The following PLA2G6 variants were observed in gnomAD, a reference collection of about 807,000 sequenced individuals.
PLA2G6 encodes the protein phospholipase A2 group VI.
PLA2G6 carries 62 observed loss-of-function variants against 83.8 expected under a neutral mutation model. The observed-to-expected ratio is 0.74, with a 90% confidence interval of 0.60 to 0.91. The LOEUF is 0.91. Among genes scored for constraint, PLA2G6 ranks in the 40% least tolerant of loss-of-function variants. The probability of loss-of-function intolerance (pLI) is 0.00; values close to 1 mark genes in which losing one functional copy is unlikely to be tolerated. For synonymous variants in PLA2G6, 417 were observed against 449.8 expected, an observed-to-expected ratio of 0.93 and a Z score of 0.92; for missense variants, 944 against 1,102.0, an observed-to-expected ratio of 0.86 and a Z score of 2.03.
intron 4 of PLA2G6, 94 bp downstream of exon 4, chr22:38,143,011 G>C: frequency 8.7e-7 from 1 of 1,150,076 alleles, no homozygotes; most frequent in South Asian, 1.2e-5. Flanking sequence ...GACAGTGAGA[G>C]GCCTGAGAGT....
chr22:38,148,225 C>G (rs1176633611), intron 2 of PLA2G6: 1 of 389,758 alleles, frequency 2.6e-6, no homozygotes, highest in Non-Finnish European at 4.8e-6. Context: ...ATGTGAGAAT[C>G]TGAAGATTGC....
At chr22:38,160,363 T>C (rs908062247) in intron 2 of PLA2G6, among the ~76,000 whole-genome samples, 2 of 152,166 alleles carry the variant, frequency 1.3e-5, no homozygotes, top group African/African-American at 4.8e-5. Context: ...CACTTCTAGG[T>C]ATGTCTACCA....
At chr22:38,143,417 T>G in intron 3 of PLA2G6, 129 bp from the exon 4 acceptor site, 1 of 780,500 alleles carries the variant, frequency 1.3e-6, no homozygotes, top group Non-Finnish European at 2.2e-6. Context: ...CTCAAGAGCA[T>G]TCCCGCCACT....
In PLA2G6 at chr22:38,128,508, C is replaced by G; in HGVS notation, c.1187-78G>C. Reference sequence around the variant, plus strand: ...CATGCAAAGGAGAGGCCCCTCCTTTCCACACTCCGTCCCCTGTCCCAGCTC... The same window carrying G: ...CATGCAAAGGAGAGGCCCCTCCTTTGCACACTCCGTCCCCTGTCCCAGCTC... On this transcript the variant is annotated intron_variant, in intron 8 of 16. Transcript: ENST00000332509. This position sits in a 1 kb window ranked among gnomAD's most constrained non-coding sequence, Gnocchi z 4.4. 2.7e-6 allele frequency: 4 copies of G among 1,462,702 alleles called. No homozygotes were observed. Among genetic ancestry groups the G allele is most frequent in the Non-Finnish European group, 3.8e-6 (4 of 1,056,522 alleles). 90.6% of individuals were successfully genotyped at this position (1,462,702 alleles called of 1,614,324 possible). A position where few individuals can be genotyped will look rare whatever the true frequency, so the allele number is the denominator to read the frequency against.
At chr22:38,124,844 G>C (rs945005596) in intron 10 of PLA2G6, among the ~76,000 whole-genome samples, 1 of 152,120 alleles carries the variant, frequency 6.6e-6, no homozygotes, top group Non-Finnish European at 1.5e-5. Context: ...AGAGGTGGCA[G>C]GGGAGAGACT....
intron 10 of PLA2G6, among the ~76,000 whole-genome samples, chr22:38,124,623 A>G (rs780852238): frequency 6.6e-6 from 1 of 151,848 alleles, no homozygotes; most frequent in South Asian, 2.1e-4. Context: ...TTCCTGGTGG[A>G]GGCTGCTTCC....
At chr22:38,148,612 G>T (rs1226217822) in intron 2 of PLA2G6, 4 of 711,658 alleles carry the variant, frequency 5.6e-6, no homozygotes, top group Non-Finnish European at 1.0e-5. Flanking sequence ...ACAGGGACTG[G>T]AGCCCAGGCG....
intron 3 of PLA2G6, chr22:38,145,004 A>C (rs753704652): frequency 2.7e-4 from 96 of 349,594 alleles, no homozygotes; most frequent in Non-Finnish European, 3.0e-4. Context: ...TGTCCTTCTT[A>C]CATTTTAATC....
intron 14 of PLA2G6, chr22:38,113,978 G>A (rs1240241039): frequency 2.3e-6 from 1 of 440,892 alleles, no homozygotes; most frequent in East Asian, 5.1e-5. Flanking sequence ...GGGAGGAAAG[G>A]CAGACGGTGT....
In PLA2G6 at chr22:38,123,343, C is replaced by G; in HGVS notation, c.1428-85G>C. ...CCACCCTCATAGCCCTTGTCCCCTG[C>G]AGCTGTGTCCTGGCAGACAGACCCA... On this transcript the variant is annotated intron_variant, in intron 10 of 16. Coordinates refer to ENST00000332509, the MANE Select transcript of PLA2G6 (RefSeq NM_003560.4). The surrounding 1 kb of genome is among the most constrained non-coding windows in gnomAD (Gnocchi z 4.1). The G allele has an allele frequency of 7.1e-7, 1 of 1,405,170 alleles. No individual in the cohort carries two copies. The highest frequency in any genetic ancestry group is 1.2e-5 in the South Asian group (1 of 80,824). 87.0% of individuals were successfully genotyped at this position (1,405,170 alleles called of 1,614,324 possible).
rs756705763 is a variant in PLA2G6, at chr22:38,129,447, C to A, written c.1186+7G>T. The A allele has an allele frequency of 1.3e-6, 2 of 1,579,244 alleles. No individual in the cohort carries two copies. Among genetic ancestry groups the A allele is most frequent in the East Asian group, 2.2e-5 (1 of 44,718 alleles). On this transcript the variant is annotated splice_region_variant and intron_variant, in intron 8 of 16. Transcript: ENST00000332509. ...CCCACTCCAGCCCCAGAGTGCAGAGCACATACGTCTGCCGATTTTGGAGGC... is the reference window on the plus strand; with the variant it reads ...CCCACTCCAGCCCCAGAGTGCAGAGAACATACGTCTGCCGATTTTGGAGGC...
In PLA2G6 at chr22:38,145,539, C is replaced by T. The variant is rs763316859; in HGVS notation, c.324G>A (p.Gln108=). 2.4e-5 allele frequency: 38 copies of T among 1,613,784 alleles called. No homozygotes were observed. Among genetic ancestry groups the T allele is most frequent in the Non-Finnish European group, 3.1e-5 (37 of 1,179,912 alleles). ...SPQVLHTEVL[Q]HLTDLIRNHP... ...GGTTACGGATGAGGTCGGTCAGGTG[C>T]TGCAGGACCTCAGTGTGCAGGACCT... Residue 108 remains glutamine (Q), a synonymous_variant, in exon 3 of 17, where the codon CAG becomes CAA. Coordinates refer to ENST00000332509, the MANE Select transcript of PLA2G6 (RefSeq NM_003560.4).
intron 2 of PLA2G6, among the ~76,000 whole-genome samples, chr22:38,155,304 T>G (rs1054712374): frequency 6.1e-5 from 9 of 146,706 alleles, no homozygotes; most frequent in African/African-American, 2.3e-4. Context: ...CTAAAGGGAG[T>G]TTTTCAATCT....
rs146918630 is a variant in PLA2G6 at position 38,115,977 on chromosome 22, G to T, written c.1879+98C>A. 4.7e-4 allele frequency: 711 copies of T among 1,510,616 alleles called. 8 individuals are homozygous for T. In the East Asian group the frequency reaches 0.015, roughly 31 times the overall value. The allele number at this position is 1,510,616 out of a possible 1,614,324, so 93.6% of individuals were successfully genotyped here. A position where few individuals can be genotyped will look rare whatever the true frequency, so the allele number is the denominator to read the frequency against. The stretch of plus-strand genomic sequence containing the variant: ...AGTGCAGCGGGTGGGCTGGTGGCAC[G>T]GTGAGGGTGCCTGATGGCAAGTGCA... On this transcript the variant is annotated intron_variant, in intron 13 of 16. Coordinates refer to ENST00000332509, the MANE Select transcript of PLA2G6 (RefSeq NM_003560.4).
At chr22:38,162,141 GGAGGTTGCAGT>G (rs2090037881) in intron 2 of PLA2G6, among the ~76,000 whole-genome samples, 1 of 151,170 alleles carries the variant, frequency 6.6e-6, no homozygotes, top group Non-Finnish European at 1.5e-5. Flanking sequence ...CCCCGGAGGT[GGAGGTTGCAGT>G]GAGCTGAGAG....
chr22:38,125,820 G>C, intron 10 of PLA2G6: 1 of 420,846 alleles, frequency 2.4e-6, no homozygotes, highest in Non-Finnish European at 4.9e-6. Context: ...AAACGCATTT[G>C]TCCTGGTACC....
chr22:38,123,066 C>T lies in PLA2G6; in HGVS notation c.1591+29G>A. 7 of 1,543,330 alleles carry T rather than the reference C, an allele frequency of 4.5e-6. No individual in the cohort carries two copies. Among genetic ancestry groups the T allele is most frequent in the Non-Finnish European group, 6.1e-6 (7 of 1,144,262 alleles). Reference sequence around the variant, plus strand: ...TTGAGGACACAGGTCTCAGCCCCGCCTGGCCCCATCCCCAGGGGCCGCCCT... The same window carrying T: ...TTGAGGACACAGGTCTCAGCCCCGCTTGGCCCCATCCCCAGGGGCCGCCCT... On this transcript the variant is annotated intron_variant, in intron 11 of 16. Coordinates refer to ENST00000332509, the MANE Select transcript of PLA2G6 (RefSeq NM_003560.4). This position sits in a 1 kb window ranked among gnomAD's most constrained non-coding sequence, Gnocchi z 4.1.
chr22:38,135,232 T>A lies in PLA2G6; in HGVS notation c.798-148A>T, dbSNP rs565017045. On this transcript the variant is annotated intron_variant, in intron 5 of 16. Transcript: ENST00000332509. ...AACCCAACCAGCACACTCACCATGG[T>A]TAAGGCTGTACTGAGCCCCTCAAGG... is the stretch of plus-strand genomic sequence containing the variant. The A allele has an allele frequency of 1.4e-4, 91 of 672,066 alleles. No individual in the cohort carries two copies. The East Asian group carries it at 2.2e-3, about 16-fold the overall frequency. The allele number at this position is 672,066 out of a possible 1,614,324, so 41.6% of individuals were successfully genotyped here. A position where few individuals can be genotyped will look rare whatever the true frequency, so the allele number is the denominator to read the frequency against.
At chr22:38,176,893 A>C (rs1274749758) in intron 1 of PLA2G6, among the ~76,000 whole-genome samples, 1 of 152,082 alleles carries the variant, frequency 6.6e-6, no homozygotes, top group Non-Finnish European at 1.5e-5. Context: ...AACTACAAAA[A>C]AAATTAGCCT....
Sources: gnomAD v4.1 joint callset for allele counts (sites outside exome capture counted in the v4.1 genomes callset) on GRCh38, gnomAD v4.1.1 for gene constraint, Gnocchi (gnomAD v3.1) non-coding constraint, MANE v1.5 for transcripts, NCBI Gene and HGNC (gene_info 2026-07-23, HGNC 2026-07-21) for gene names.